Variants in RTN4 observed in about 807,000 individuals in gnomAD.
RTN4 encodes the protein reticulon-4.
In RTN4, 32 loss-of-function variants were observed where a neutral mutation model predicts 90.4. The ratio of observed to expected loss-of-function variants is 0.35; its 90% CI spans 0.27 to 0.48. RTN4 has a LOEUF of 0.48. Ranked by LOEUF, RTN4 falls within the 20% of genes least tolerant of loss-of-function variation. RTN4 has a pLI of 0.99. For missense variants in RTN4, 1,706 were observed against 1,430.2 expected (o/e 1.19, Z -3.11); for synonymous variants, 629 against 552.5 (o/e 1.14, Z -1.94).
chr2:55,052,157 C>G (rs1426225785), upstream of RTN4, among the ~76,000 whole-genome samples: 1 of 152,144 alleles, frequency 6.6e-6, no homozygotes, highest in African/African-American at 2.4e-5. Context: ...ATGCATTTGA[C>G]AAAACCCACA....
At chr2:55,000,477 C>G (rs1679774741) in intron 3 of RTN4, among the ~76,000 whole-genome samples, 1 of 152,098 alleles carries the variant, frequency 6.6e-6, no homozygotes, top group African/African-American at 2.4e-5. Context: ...AAACAAATAG[C>G]ACTAATAAAC....
At chr2:55,014,092 GTTAA>G (rs1680851456) in intron 3 of RTN4, among the ~76,000 whole-genome samples, 1 of 152,156 alleles carries the variant, frequency 6.6e-6, no homozygotes, top group African/African-American at 2.4e-5. Context: ...ACTGAAAGGA[GTTAA>G]TTTTTAAAAC....
intron 3 of RTN4, among the ~76,000 whole-genome samples, chr2:55,005,778 A>C (rs1680176686): frequency 6.6e-6 from 1 of 152,170 alleles, no homozygotes; most frequent in Non-Finnish European, 1.5e-5. Context: ...CTAAACATGA[A>C]ATTCATTCTG....
intron 1 of RTN4, chr2:55,080,675 C>T (rs2968822): frequency 0.32 from 48,452 of 152,074 alleles, 9,043 homozygotes; most frequent in East Asian, 0.59. Context: ...ATTAAGTATA[C>T]TGAAACCGTC....
At chr2:55,030,892 G>A (rs949638153) in intron 1 of RTN4, among the ~76,000 whole-genome samples, 1 of 152,114 alleles carries the variant, frequency 6.6e-6, no homozygotes, top group African/African-American at 2.4e-5. Context: ...GTAATTAGCA[G>A]AAATATTGCA....
At chr2:55,118,225 G>A in the RTN4 span, among the ~76,000 whole-genome samples, 1 of 151,966 alleles carries the variant, frequency 6.6e-6, no homozygotes, top group Non-Finnish European at 1.5e-5. Flanking sequence ...CAGCACTTTG[G>A]GAGGTCAAGG....
the RTN4 span, among the ~76,000 whole-genome samples, chr2:55,129,642 A>C: frequency 1.7e-4 from 26 of 151,492 alleles, no homozygotes; most frequent in African/African-American, 5.8e-4. Flanking sequence ...GCTCACTGCA[A>C]CCTCCACCTC....
intron 5 of RTN4, among the ~76,000 whole-genome samples, chr2:54,980,423 T>A (rs953953503): frequency 6.6e-6 from 1 of 152,210 alleles, no homozygotes; most frequent in East Asian, 1.9e-4. Context: ...TAAAGACAAG[T>A]GGAAACTTTA....
chr2:55,102,152 C>T (rs1473564633), intron 1 of RTN4, among the ~76,000 whole-genome samples: 1 of 152,112 alleles, frequency 6.6e-6, no homozygotes, highest in Non-Finnish European at 1.5e-5. Context: ...CCATCCAAAT[C>T]ATGCCTAAAT....
At chr2:55,073,952 T>C (rs1317448527) in intron 2 of RTN4, among the ~76,000 whole-genome samples, 1 of 152,178 alleles carries the variant, frequency 6.6e-6, no homozygotes, top group Non-Finnish European at 1.5e-5. Context: ...TGCCCCAGTT[T>C]CGTTGCAAGG....
At chr2:55,032,680 A>G (rs894222693) in intron 1 of RTN4, among the ~76,000 whole-genome samples, 1 of 152,184 alleles carries the variant, frequency 6.6e-6, no homozygotes. Context: ...ACAGAGCCTC[A>G]GTGCTGAGAG....
At chr2:55,135,000 G>A in the RTN4 span, among the ~76,000 whole-genome samples, 1 of 152,022 alleles carries the variant, frequency 6.6e-6, no homozygotes, top group Non-Finnish European at 1.5e-5. Flanking sequence ...CAGGCATGGT[G>A]GCTCACACCT....
chr2:55,072,237 T>TTTTC (rs1491257805), intron 2 of RTN4, among the ~76,000 whole-genome samples: 8 of 3,810 alleles, frequency 2.1e-3, no homozygotes, highest in Admixed American at 7.7e-3. Flanking sequence ...TTTTCTTTTC[T>TTTTC]TTTTTTTTTT....
chr2:55,036,599 C>CAAAAAAAAAAAAAAAAAAAAAAAAA, intron 1 of RTN4, among the ~76,000 whole-genome samples: 1 of 72,994 alleles, frequency 1.4e-5, no homozygotes, highest in South Asian at 4.8e-4. Flanking sequence ...AAGACTGTCT[C>CAAAAAAAAAAAAAAAAAAAAAAAAA]AAAAAAAAAA....
At chr2:55,049,240 G>T (rs1295474503) in intron 1 of RTN4, 17 of 908,658 alleles carry the variant, frequency 1.9e-5, no homozygotes, top group Non-Finnish European at 2.2e-5. Context: ...CCAGCCAGGA[G>T]GTGAGGAGGG....
chr2:55,116,299 G>A (rs1189261483), upstream of RTN4, among the ~76,000 whole-genome samples: 1 of 152,072 alleles, frequency 6.6e-6, no homozygotes, highest in African/African-American at 2.4e-5. Flanking sequence ...TAGAAGCCAT[G>A]TAAGAGGTTT....
At chr2:54,992,537 T>C (rs990979495) in intron 3 of RTN4, among the ~76,000 whole-genome samples, 7 of 152,218 alleles carry the variant, frequency 4.6e-5, no homozygotes, top group African/African-American at 1.7e-4. Flanking sequence ...AACAGGGCTT[T>C]ACTCCAATAT....
rs765379570 is a variant in RTN4 at position 55,026,725 on chromosome 2, T to G, written c.1374A>C (p.Ser458=). The G allele has an allele frequency of 6.2e-7, 1 of 1,613,904 alleles. No homozygotes were observed. Among genetic ancestry groups the G allele is most frequent in the Non-Finnish European group, 8.5e-7 (1 of 1,179,812 alleles). The change falls in exon 3 of 9, where the codon TCA becomes TCC. Residue 458 remains serine (S), a synonymous_variant. Transcript: ENST00000337526. Reference sequence around the variant, plus strand: ...AGGGAGCACATGTGATATATGCTCCTGAACGATCCTTTATACCTTCTGGCG... The same window carrying G: ...AGGGAGCACATGTGATATATGCTCCGGAACGATCCTTTATACCTTCTGGCG... The part of the protein sequence containing the change: ...PSTPEGIKDR[S]GAYITCAPFN...
At chr2:54,983,549 T>C (rs1573292168) in intron 4 of RTN4, among the ~76,000 whole-genome samples, 4 of 152,168 alleles carry the variant, frequency 2.6e-5, no homozygotes, top group Admixed American at 2.6e-4. Context: ...GGAAATAACA[T>C]CTTAGACAAC....
Sources: gnomAD v4.1 joint callset for allele counts (sites outside exome capture counted in the v4.1 genomes callset) on GRCh38, gnomAD v4.1.1 for gene constraint, MANE v1.5 for transcripts, NCBI Gene and HGNC (gene_info 2026-07-23, HGNC 2026-07-21) for gene names.